Variants in BCAS3 observed in about 807,000 individuals in gnomAD.
BCAS3 encodes the protein BCAS4/BCAS3 fusion.
Under a neutral mutation model 116.1 loss-of-function variants are expected in BCAS3, and 53 were observed. The observed-to-expected ratio is 0.46, with a 90% CI of 0.37 to 0.57. The LOEUF is 0.57. Among genes scored for constraint, BCAS3 ranks in the 20% least tolerant of loss-of-function variants. The probability of loss-of-function intolerance (pLI) is 0.00; values close to 1 mark genes in which losing one functional copy is unlikely to be tolerated. For synonymous variants in BCAS3, 391 were observed against 408.2 expected, an observed-to-expected ratio of 0.96 and a Z score of 0.51; for missense variants, 917 against 1,165.4, an observed-to-expected ratio of 0.79 and a Z score of 3.10.
chr17:60,726,912 A>C (rs1568112851), intron 5 of BCAS3, among the ~76,000 whole-genome samples: 1 of 152,166 alleles, frequency 6.6e-6, no homozygotes, highest in Non-Finnish European at 1.5e-5. Flanking sequence ...ACATTGTTTT[A>C]GGCATATTGC....
rs561342136 is a variant in BCAS3 at position 61,082,278 on chromosome 17, A to G, written c.2328-2189A>G. ...AAATTTACCAGTTTTAAAATGTACA[A>G]GTCAGTGGGTTTTAGTATATTCACT... On this transcript the variant is annotated intron_variant, in intron 21 of 23. Coordinates refer to ENST00000407086, the MANE Select transcript of BCAS3 (RefSeq NM_017679.5). This position sits in a 1 kb window ranked among gnomAD's most constrained non-coding sequence, Gnocchi z 5.1. Among the ~76,000 whole-genome samples the G allele has an allele frequency of 1.3e-5, 2 of 152,332 alleles. No individual in the cohort carries two copies. The highest frequency in any genetic ancestry group is 1.9e-4 in the East Asian group (1 of 5,192).
At position 61,097,001 on chromosome 17, in the gene BCAS3, G is replaced by C. The variant is rs985424153; in HGVS notation, c.2425+12437G>C. ...TGGCAAAAGAAATGCATGAAGGGTT[G>C]AGAATTTTCCAAAGTTAATGAAAGA... is the stretch of plus-strand genomic sequence containing the variant. On this transcript the variant is annotated intron_variant, in intron 22 of 23. Coordinates refer to ENST00000407086, the MANE Select transcript of BCAS3 (RefSeq NM_017679.5). This position sits in a 1 kb window ranked among gnomAD's most constrained non-coding sequence, Gnocchi z 4.0. Among the ~76,000 whole-genome samples, 2 of 152,170 alleles carry C rather than the reference G, an allele frequency of 1.3e-5. No individual in the cohort carries two copies. The highest frequency in any genetic ancestry group is 2.9e-5 in the Non-Finnish European group (2 of 68,024).
chr17:60,891,158 C>G (rs2057120828), intron 10 of BCAS3, among the ~76,000 whole-genome samples: 1 of 152,136 alleles, frequency 6.6e-6, no homozygotes, highest in Non-Finnish European at 1.5e-5. Flanking sequence ...ATGGTATCTT[C>G]TAATGTTTCT....
chr17:60,718,848 C>A (rs948313918), intron 5 of BCAS3, among the ~76,000 whole-genome samples: 2 of 151,922 alleles, frequency 1.3e-5, no homozygotes, highest in African/African-American at 4.8e-5. Context: ...GATCACGAGG[C>A]CAGGAGATCG....
At chr17:60,977,070 C>T (rs2145377763) in intron 14 of BCAS3, among the ~76,000 whole-genome samples, 2 of 152,066 alleles carry the variant, frequency 1.3e-5, no homozygotes, top group South Asian at 4.2e-4. Flanking sequence ...CGGGGGCTGC[C>T]CTGCACCTCC....
intron 22 of BCAS3, among the ~76,000 whole-genome samples, chr17:61,143,020 C>G (rs899200919): frequency 3.9e-5 from 6 of 152,118 alleles, no homozygotes; most frequent in African/African-American, 1.4e-4. Flanking sequence ...ACCTCTCTTT[C>G]TGATTATTTA....
chr17:61,187,355 C>T (rs751796348), intron 22 of BCAS3, among the ~76,000 whole-genome samples: 4 of 152,192 alleles, frequency 2.6e-5, no homozygotes, highest in Non-Finnish European at 5.9e-5. Flanking sequence ...TCTTATCATT[C>T]GTCTTTTAGT....
At position 61,132,256 on chromosome 17, in the gene BCAS3, G is replaced by T. The variant is rs567367159; in HGVS notation, c.2425+47692G>T. ...TGCCAGCAGAAAAAAACAAATTCCT[G>T]TTCACTTGGTAATTTTAAACACAAC... On this transcript the variant is annotated intron_variant, in intron 22 of 23. Coordinates refer to ENST00000407086, the MANE Select transcript of BCAS3 (RefSeq NM_017679.5). The surrounding 1 kb of genome is among the most constrained non-coding windows in gnomAD (Gnocchi z 5.1). 7.2e-5 allele frequency among the ~76,000 whole-genome samples: 11 copies of T among 152,216 alleles called. No homozygotes were observed. The East Asian group carries it at 2.1e-3, about 29-fold the overall frequency.
chr17:60,724,490 G>A (rs1049387416), intron 5 of BCAS3, among the ~76,000 whole-genome samples: 36 of 151,058 alleles, frequency 2.4e-4, no homozygotes, highest in Non-Finnish European at 5.3e-4. Flanking sequence ...TTTGGGAGGC[G>A]GAGGCGGTCT....
intron 10 of BCAS3, among the ~76,000 whole-genome samples, chr17:60,893,044 G>A (rs980797746): frequency 5.3e-5 from 8 of 151,604 alleles, no homozygotes; most frequent in Non-Finnish European, 1.2e-4. Flanking sequence ...TTTGTTTGTT[G>A]GCCATTTACA....
intron 8 of BCAS3, among the ~76,000 whole-genome samples, chr17:60,873,867 C>CT (rs11378229): frequency 0.19 from 28,677 of 151,184 alleles, 3,262 homozygotes; most frequent in African/African-American, 0.32. Context: ...CTTCTCCATT[C>CT]TTTTTTTTTC....
At chr17:60,742,130 T>G (rs1255723777) in intron 5 of BCAS3, among the ~76,000 whole-genome samples, 1 of 152,222 alleles carries the variant, frequency 6.6e-6, no homozygotes, top group Non-Finnish European at 1.5e-5. Context: ...AATATTCTGT[T>G]GGGCACTAAA....
Position 61,082,456 on chromosome 17 carries a change from A to G in BCAS3, c.2328-2011A>G, listed in dbSNP as rs187081640. On this transcript the variant is annotated intron_variant, in intron 21 of 23. Coordinates refer to ENST00000407086, the MANE Select transcript of BCAS3 (RefSeq NM_017679.5). This position sits in a 1 kb window ranked among gnomAD's most constrained non-coding sequence, Gnocchi z 5.1. Reference sequence around the variant, plus strand: ...TATCTGTTGTCCAGCTTCAGCTATCAAGTCATGGCCAATCTTGCTTCATCT... The same window carrying G: ...TATCTGTTGTCCAGCTTCAGCTATCGAGTCATGGCCAATCTTGCTTCATCT... Among the ~76,000 whole-genome samples, 408 of 152,276 alleles carry G rather than the reference A, an allele frequency of 2.7e-3. 3 individuals are homozygous for G. Among genetic ancestry groups the G allele is most frequent in the African/African-American group, 9.4e-3 (392 of 41,566 alleles).
chr17:60,753,136 C>T (rs2042643532), intron 6 of BCAS3, among the ~76,000 whole-genome samples: 1 of 152,080 alleles, frequency 6.6e-6, no homozygotes, highest in South Asian at 2.1e-4. Context: ...CCCATTGTAC[C>T]CATATGTAAT....
At chr17:61,040,698 A>G in intron 18 of BCAS3, 94 bp from the exon 19 acceptor site, 1 of 988,522 alleles carries the variant, frequency 1.0e-6, no homozygotes, top group Non-Finnish European at 1.6e-6. Flanking sequence ...AAGTAGTGTG[A>G]GTTTAAGTCA....
Position 61,026,712 on chromosome 17 carries a change from A to G in BCAS3, c.1638-7954A>G, listed in dbSNP as rs117271624. Among the ~76,000 whole-genome samples, 893 of 152,184 alleles carry G rather than the reference A, an allele frequency of 5.9e-3. 14 individuals carry two copies. Among genetic ancestry groups the G allele is most frequent in the South Asian group, 0.021 (99 of 4,824 alleles). On this transcript the variant is annotated intron_variant, in intron 16 of 23. Transcript: ENST00000407086. The surrounding 1 kb of genome is among the most constrained non-coding windows in gnomAD (Gnocchi z 5.0). ...CTACACATCATTCTGTTTATTGGTTATATCAGACAGTATGTACAGCAGAAT... is the reference window on the plus strand; with the variant it reads ...CTACACATCATTCTGTTTATTGGTTGTATCAGACAGTATGTACAGCAGAAT...
chr17:61,359,009 C>T (rs1316487315), intron 22 of BCAS3, among the ~76,000 whole-genome samples: 1 of 152,136 alleles, frequency 6.6e-6, no homozygotes, highest in African/African-American at 2.4e-5. Flanking sequence ...TCCTGTGCCC[C>T]CTGCAGGCAT....
intron 22 of BCAS3, among the ~76,000 whole-genome samples, chr17:61,311,274 C>T (rs1157428671): frequency 6.6e-6 from 1 of 152,196 alleles, no homozygotes; most frequent in Non-Finnish European, 1.5e-5. Flanking sequence ...CTTTCCATAT[C>T]AGCACATGTA....
intron 15 of BCAS3, among the ~76,000 whole-genome samples, chr17:61,001,077 A>T (rs1339590293): frequency 6.6e-6 from 1 of 152,128 alleles, no homozygotes; most frequent in African/African-American, 2.4e-5. Flanking sequence ...GAGTTCCTGC[A>T]AGTGTCTCCT....
Sources: allele counts gnomAD v4.1 joint callset (sites outside exome capture counted in the v4.1 genomes callset), GRCh38; gene constraint gnomAD v4.1.1; non-coding constraint Gnocchi (gnomAD v3.1); transcripts MANE v1.5; gene names NCBI Gene and HGNC (gene_info 2026-07-23, HGNC 2026-07-21).